Variants in FGD5 observed in about 807,000 individuals in gnomAD.
FGD5 encodes FYVE, RhoGEF and PH domain containing 5, also known as FYVE, RhoGEF and PH domain-containing protein 5.
FGD5 carries 28 observed loss-of-function variants against 133.4 expected under a neutral mutation model. That is an observed-to-expected ratio of 0.21 (90% CI 0.16 to 0.29). The LOEUF (loss-of-function observed/expected upper bound fraction) is 0.29, where lower values mean the gene tolerates loss of function less well. Among genes scored for constraint, FGD5 ranks in the 10% least tolerant of loss-of-function variants. The pLI, the probability that FGD5 is intolerant of heterozygous loss-of-function variation, is 1.00. For synonymous variants in FGD5, 810 were observed against 776.5 expected, an observed-to-expected ratio of 1.04 and a Z score of -0.72; for missense variants, 1,858 against 1,895.2, an observed-to-expected ratio of 0.98 and a Z score of 0.36.
Position 14,864,269 on chromosome 3 carries a change from C to T in FGD5, c.2658+9C>T, listed in dbSNP as rs764828673. 6.2e-7 allele frequency: 1 copy of T among 1,613,748 alleles called. No homozygotes were observed. The highest frequency in any genetic ancestry group is 8.5e-7 in the Non-Finnish European group (1 of 1,179,802). On this transcript the variant is annotated intron_variant, in intron 2 of 19. Coordinates refer to ENST00000285046, the MANE Select transcript of FGD5 (RefSeq NM_152536.4). ...CCAGTGTCACCCACAAGGTAGGGCA[C>T]CCCACAGGTAGGCCGTGGGCATCGG...
chr3:14,815,351 CAA>C (rs71630867), upstream of FGD5, among the ~76,000 whole-genome samples: 15 of 136,142 alleles, frequency 1.1e-4, no homozygotes, highest in East Asian at 2.2e-4. Context: ...TCTAAAATCG[CAA>C]AAAAAAAAAA....
chr3:14,906,798 G>A (rs767180786), intron 9 of FGD5, among the ~76,000 whole-genome samples: 1 of 152,158 alleles, frequency 6.6e-6, no homozygotes. Flanking sequence ...CTTTGTGGAC[G>A]GGCTTGCCAG....
chr3:14,863,466 A>T (rs9881150), intron 1 of FGD5, among the ~76,000 whole-genome samples: 2,143 of 152,336 alleles, frequency 0.014, 53 homozygotes, highest in African/African-American at 0.048. Flanking sequence ...CTTAAAGCAG[A>T]CAGTCAGTAA....
At chr3:14,913,603 G>T (rs1265938177) in intron 11 of FGD5, among the ~76,000 whole-genome samples, 2 of 152,210 alleles carry the variant, frequency 1.3e-5, no homozygotes, top group Non-Finnish European at 2.9e-5. Context: ...TGAGGCGGCA[G>T]ATGGCACAGG....
At chr3:14,875,606 G>A (rs971619393) in intron 2 of FGD5, among the ~76,000 whole-genome samples, 2 of 152,178 alleles carry the variant, frequency 1.3e-5, no homozygotes, top group African/African-American at 4.8e-5. Flanking sequence ...AGCCACTCAA[G>A]GGTGCAGGTG....
intron 1 of FGD5, among the ~76,000 whole-genome samples, chr3:14,823,114 A>C (rs1414434837): frequency 6.6e-6 from 1 of 152,202 alleles, no homozygotes; most frequent in African/African-American, 2.4e-5. Flanking sequence ...TGCGAGCTGC[A>C]AGAGGGGTAG....
At chr3:14,920,102 A>G (rs1219997522) in intron 13 of FGD5, among the ~76,000 whole-genome samples, 1 of 152,002 alleles carries the variant, frequency 6.6e-6, no homozygotes, top group Non-Finnish European at 1.5e-5. Context: ...CTTTCAGGGC[A>G]AGGTAAGCTC....
intron 7 of FGD5, among the ~76,000 whole-genome samples, chr3:14,900,137 C>T (rs2038209691): frequency 6.6e-6 from 1 of 152,206 alleles, no homozygotes; most frequent in African/African-American, 2.4e-5. Flanking sequence ...CTTGTTGTGT[C>T]TGTCTCCAAG....
intron 4 of FGD5, among the ~76,000 whole-genome samples, chr3:14,888,332 T>C (rs140519252): frequency 2.6e-5 from 4 of 152,252 alleles, no homozygotes; most frequent in African/African-American, 9.6e-5. Context: ...TGCTCTCTCT[T>C]AGTTAGAGGG....
intron 4 of FGD5, among the ~76,000 whole-genome samples, chr3:14,896,046 G>A (rs1254016296): frequency 6.6e-6 from 1 of 152,002 alleles, no homozygotes; most frequent in Non-Finnish European, 1.5e-5. Flanking sequence ...AGCTACAAAG[G>A]ATATAAAATA....
Position 14,897,548 on chromosome 3 carries a change from G to A in FGD5, c.2788G>A (p.Asp930Asn). The change falls in exon 5 of 20, where the codon GAC (aspartate) becomes AAC (asparagine). Residue 930 changes from aspartate to asparagine, a missense_variant. Physicochemically the swap from Asp to Asn is conservative, Grantham distance 23. Coordinates refer to ENST00000285046, the MANE Select transcript of FGD5 (RefSeq NM_152536.4). ...GAVMRALDDM[D>N]HEGRDTLARE... ...TGTCATGAGGGCCTTGGATGACATGGACCATGAAGGCAGAGACACATTGGC... is the reference window on the plus strand; with the variant it reads ...TGTCATGAGGGCCTTGGATGACATGAACCATGAAGGCAGAGACACATTGGC... The A allele has an allele frequency of 1.2e-6, 2 of 1,605,716 alleles. No individual in the cohort carries two copies. Among genetic ancestry groups the A allele is most frequent in the African/African-American group, 1.3e-5 (1 of 74,948 alleles).
chr3:14,846,739 G>A (rs2125090358), intron 1 of FGD5, among the ~76,000 whole-genome samples: 1 of 152,382 alleles, frequency 6.6e-6, no homozygotes, highest in Admixed American at 6.5e-5. Context: ...CTGTGTAACT[G>A]TGGGACGCAG....
intron 2 of FGD5, 68 bp downstream of exon 2, chr3:14,864,328 C>T (rs1575216445): frequency 1.2e-6 from 2 of 1,607,012 alleles, no homozygotes; most frequent in East Asian, 4.5e-5. Flanking sequence ...TGTAACAGAT[C>T]TGCTCCTTCC....
chr3:14,845,942 G>A (rs1244032155), intron 1 of FGD5, among the ~76,000 whole-genome samples: 1 of 152,160 alleles, frequency 6.6e-6, no homozygotes, highest in African/African-American at 2.4e-5. Flanking sequence ...AGGATGTGGA[G>A]TGAGGTATGT....
intron 1 of FGD5, among the ~76,000 whole-genome samples, chr3:14,832,558 C>A (rs2036732885): frequency 6.6e-6 from 1 of 152,094 alleles, no homozygotes; most frequent in South Asian, 2.1e-4. Flanking sequence ...GCTGAACGTC[C>A]CTTTGGGCAT....
intron 1 of FGD5, among the ~76,000 whole-genome samples, chr3:14,842,716 C>A (rs1160939682): frequency 6.6e-6 from 1 of 152,224 alleles, no homozygotes; most frequent in Non-Finnish European, 1.5e-5. Flanking sequence ...GCCATCTTCC[C>A]TGTTGGTGGC....
At chr3:14,892,972 T>A (rs1450547370) in intron 4 of FGD5, among the ~76,000 whole-genome samples, 1 of 152,190 alleles carries the variant, frequency 6.6e-6, no homozygotes, top group Non-Finnish European at 1.5e-5. Flanking sequence ...ACTTCTCCAT[T>A]TGGGCAAGAG....
chr3:14,834,647 C>T (rs1273742424), intron 1 of FGD5, among the ~76,000 whole-genome samples: 1 of 152,164 alleles, frequency 6.6e-6, no homozygotes, highest in African/African-American at 2.4e-5. Context: ...ATTTGTAAGT[C>T]TTTTTTACCA....
intron 2 of FGD5, among the ~76,000 whole-genome samples, chr3:14,866,324 T>C (rs973621543): frequency 2.6e-5 from 4 of 152,090 alleles, no homozygotes; most frequent in African/African-American, 7.2e-5. Flanking sequence ...TGTTTCTGAA[T>C]CCTTGAGACA....
Sources: allele counts gnomAD v4.1 joint callset (sites outside exome capture counted in the v4.1 genomes callset), GRCh38; gene constraint gnomAD v4.1.1; transcripts MANE v1.5; gene names NCBI Gene and HGNC (gene_info 2026-07-23, HGNC 2026-07-21).